Variants in AAAS observed in about 807,000 individuals in gnomAD.
AAAS encodes aladin.
Under a neutral mutation model 75.6 loss-of-function variants are expected in AAAS, and 60 were observed. The observed-to-expected ratio is 0.79, with a 90% CI of 0.64 to 0.98. AAAS has a LOEUF of 0.98. AAAS is among the 50% of genes least tolerant of loss of function. The pLI is 0.00. For synonymous variants in AAAS, 271 were observed against 265.0 expected (o/e 1.02, Z -0.22); for missense variants, 658 against 686.9 (o/e 0.96, Z 0.47).
At chr12:53,310,846 T>C (rs1237898224) in intron 7 of AAAS, among the ~76,000 whole-genome samples, 3 of 152,286 alleles carry the variant, frequency 2.0e-5, no homozygotes, top group Non-Finnish European at 4.4e-5. Context: ...CTCATTCTTT[T>C]CAGTGGCTCC....
At chr12:53,315,184 G>A in intron 4 of AAAS, 44 bp from the exon 5 acceptor site, 3 of 1,610,990 alleles carry the variant, frequency 1.9e-6, no homozygotes, top group Non-Finnish European at 1.7e-6. Flanking sequence ...GGCAAAAGGA[G>A]TCCATCTCCT....
chr12:53,312,785 G>GTATATA (rs151067872), intron 7 of AAAS, among the ~76,000 whole-genome samples: 1 of 142,644 alleles, frequency 7.0e-6, no homozygotes, highest in African/African-American at 2.6e-5. Context: ...ATACATACAC[G>GTATATA]TATATATATA....
intron 3 of AAAS, 116 bp downstream of exon 3, chr12:53,315,611 A>C (rs1463425426): frequency 1.5e-6 from 2 of 1,356,658 alleles, no homozygotes; most frequent in Non-Finnish European, 2.1e-6. Flanking sequence ...GGTAGAGGAG[A>C]GGACAGGAAA....
intron 7 of AAAS, 29 bp from the exon 8 acceptor site, chr12:53,309,750 CAG>C: frequency 6.2e-7 from 1 of 1,609,486 alleles, no homozygotes; most frequent in Non-Finnish European, 8.5e-7. Context: ...GATGTGGAGT[CAG>C]AAGATGACAA....
rs1363728096 is a variant in AAAS at position 53,308,766 on chromosome 12, C to T, written c.1046G>A (p.Gly349Glu). Reference protein sequence around the residue: ...DGSRLLFTVLGEPLIYSLSFP... With the variant: ...DGSRLLFTVLEEPLIYSLSFP... ...AGACAGGGAGTAAATCAGTGGCTCTCCCAATACAGTGAACAGCAGTCGGCT... is the reference window on the plus strand; with the variant it reads ...AGACAGGGAGTAAATCAGTGGCTCTTCCAATACAGTGAACAGCAGTCGGCT... Residue 349 changes from glycine to glutamate, a missense_variant, in exon 11 of 16, where the codon GGA becomes GAA. Physicochemically the swap from Gly to Glu is moderately conservative, Grantham distance 98. Coordinates refer to ENST00000209873, the MANE Select transcript of AAAS (RefSeq NM_015665.6). 4 of 1,613,996 alleles carry T rather than the reference C, an allele frequency of 2.5e-6. No individual in the cohort carries two copies. Among genetic ancestry groups the T allele is most frequent in the Non-Finnish European group, 3.4e-6 (4 of 1,180,052 alleles).
intron 2 of AAAS, among the ~76,000 whole-genome samples, chr12:53,318,265 T>TGC (rs1565783343): frequency 6.6e-6 from 1 of 150,542 alleles, no homozygotes; most frequent in African/African-American, 2.5e-5. Context: ...TGTGTGTGTG[T>TGC]GTGTGTGTTA....
chr12:53,321,536 C>G lies in AAAS; in HGVS notation c.-71G>C, dbSNP rs542409226. On this transcript the variant is annotated 5_prime_UTR_variant, in exon 1 of 16. Transcript: ENST00000209873. ...AACGGCACAGACCGCACTCCCGCAA[C>G]TCGGTTCCCGGGCTAGATTCGTATG... 1.8e-5 allele frequency: 29 copies of G among 1,609,418 alleles called. No homozygotes were observed. The highest frequency in any genetic ancestry group is 2.7e-5 in the African/African-American group (2 of 75,068).
intron 2 of AAAS, among the ~76,000 whole-genome samples, chr12:53,316,588 GA>G (rs1944465756): frequency 1.3e-5 from 2 of 150,576 alleles, no homozygotes; most frequent in African/African-American, 4.9e-5. Context: ...CCAACATGGT[GA>G]AACATGTTGA....
At chr12:53,312,933 T>C (rs1209601983) in intron 7 of AAAS, among the ~76,000 whole-genome samples, 2 of 151,058 alleles carry the variant, frequency 1.3e-5, no homozygotes, top group Non-Finnish European at 2.9e-5. Flanking sequence ...CTCAGTTCAC[T>C]GCAACCTCCG....
At chr12:53,318,225 T>TGTGTGTGTGTGTGTGTGTGTGTGTGTGC (rs1565783187) in intron 2 of AAAS, among the ~76,000 whole-genome samples, 4 of 125,676 alleles carry the variant, frequency 3.2e-5, no homozygotes. Flanking sequence ...GGGGTTTCAG[T>TGTGTGTGTGTGTGTGTGTGTGTGTGTGC]GTGTGTGTGT....
chr12:53,308,082 C>T lies in AAAS; in HGVS notation c.1301G>A (p.Arg434Gln), dbSNP rs112579822. ...AAGGAGCTCAAACACAGGGCTGTTT[C>T]GAGTGCGAAAAAGGAGGATGACTGG... is the stretch of plus-strand genomic sequence containing the variant. ...GKPVILLFRT[R>Q]NSPVFELLPC... The change falls in exon 14 of 16, where the codon CGA (arginine) becomes CAA (glutamine). Residue 434 changes from arginine to glutamine, a missense_variant. Physicochemically the swap from Arg to Gln is conservative, Grantham distance 43. Coordinates refer to ENST00000209873, the MANE Select transcript of AAAS (RefSeq NM_015665.6). 5.0e-4 allele frequency: 809 copies of T among 1,614,150 alleles called. 1 individual carries two copies. The highest frequency in any genetic ancestry group is 1.2e-3 in the Middle Eastern group (7 of 6,062).
intron 1 of AAAS, 92 bp from the exon 2 acceptor site, chr12:53,320,784 A>G: frequency 2.1e-6 from 3 of 1,455,032 alleles, no homozygotes; most frequent in Admixed American, 1.8e-5. Flanking sequence ...TGGGCTAAGT[A>G]TAAGAGATTC....
At chr12:53,313,220 G>C (rs1944417348) in intron 7 of AAAS, among the ~76,000 whole-genome samples, 1 of 135,414 alleles carries the variant, frequency 7.4e-6, no homozygotes, top group Non-Finnish European at 1.5e-5. Context: ...TACAGCTGTA[G>C]TGGCATGATG....
At chr12:53,318,918 G>C (rs971115456) in intron 2 of AAAS, among the ~76,000 whole-genome samples, 1 of 152,102 alleles carries the variant, frequency 6.6e-6, no homozygotes, top group African/African-American at 2.4e-5. Flanking sequence ...AAGGAGCCTG[G>C]GAATGAATGG....
In AAAS at chr12:53,309,610, A is replaced by C; in HGVS notation, c.801T>G (p.Ala267=). The change falls in exon 8 of 16, where the codon GCT becomes GCG. Residue 267 remains alanine (A), a synonymous_variant. Coordinates refer to ENST00000209873, the MANE Select transcript of AAAS (RefSeq NM_015665.6). ...GCAGGGACCCACTCACCCGGATAGC[A>C]GCATCCACGGGTGAAGCTGAGAGCA... The part of the protein sequence containing the change: ...GRLLSASPVD[A]AIRVWDVSTE... 6.2e-7 allele frequency: 1 copy of C among 1,613,732 alleles called. No homozygotes were observed. Among genetic ancestry groups the C allele is most frequent in the South Asian group, 1.1e-5 (1 of 90,938 alleles).
At chr12:53,317,479 C>T (rs10876426) in intron 2 of AAAS, among the ~76,000 whole-genome samples, 136,573 of 151,680 alleles carry the variant, frequency 0.9, 62,781 homozygotes, top group Non-Finnish European at 0.98. Context: ...ATGGAGTGAA[C>T]TCGGGAGGCG....
chr12:53,310,812 CT>C (rs1944378252), intron 7 of AAAS, among the ~76,000 whole-genome samples: 1 of 152,212 alleles, frequency 6.6e-6, no homozygotes, highest in Non-Finnish European at 1.5e-5. Context: ...TCACAGCTGC[CT>C]TTGCAGGTGG....
rs1012920688 is a variant in AAAS, at chr12:53,321,539, G to A, written c.-74C>T. On this transcript the variant is annotated 5_prime_UTR_variant, in exon 1 of 16. Transcript: ENST00000209873. ...GGCACAGACCGCACTCCCGCAACTCGGTTCCCGGGCTAGATTCGTATGCGG... is the reference window on the plus strand; with the variant it reads ...GGCACAGACCGCACTCCCGCAACTCAGTTCCCGGGCTAGATTCGTATGCGG... 1.7e-5 allele frequency: 27 copies of A among 1,608,336 alleles called. No homozygotes were observed. The Admixed American group carries it at 4.2e-4, about 25-fold the overall frequency.
At chr12:53,316,764 CAAAAAAA>C (rs34520642) in intron 2 of AAAS, among the ~76,000 whole-genome samples, 4 of 77,192 alleles carry the variant, frequency 5.2e-5, no homozygotes, top group East Asian at 3.7e-4. Context: ...CCATCTCAGA[CAAAAAAA>C]AAAAAAAAAA....
Sources: gnomAD v4.1 joint callset for allele counts (sites outside exome capture counted in the v4.1 genomes callset) on GRCh38, gnomAD v4.1.1 for gene constraint, MANE v1.5 for transcripts, NCBI Gene and HGNC (gene_info 2026-07-23, HGNC 2026-07-21) for gene names.